The following MBD5 variants were observed in gnomAD, a reference collection of about 807,000 sequenced individuals.
MBD5 encodes methyl-CpG-binding domain protein 5.
In MBD5, 13 loss-of-function variants were observed where a neutral mutation model predicts 117.3. That is an observed-to-expected ratio of 0.11 (90% confidence interval 0.07 to 0.18). MBD5 has a LOEUF of 0.18. Ranked by LOEUF, MBD5 falls within the 10% of genes least tolerant of loss-of-function variation. The pLI, the probability that MBD5 is intolerant of heterozygous loss-of-function variation, is 1.00. For missense variants in MBD5, 1,879 were observed against 2,093.8 expected (o/e 0.90, Z 2.00); for synonymous variants, 727 against 766.4 (o/e 0.95, Z 0.85).
chr2:148,136,953 G>A (rs1697184797), intron 1 of MBD5, among the ~76,000 whole-genome samples: 2 of 152,052 alleles, frequency 1.3e-5, no homozygotes, highest in Admixed American at 1.3e-4. Context: ...GTAGAGACGT[G>A]TTTTCTCCAT....
intron 8 of MBD5, among the ~76,000 whole-genome samples, chr2:148,474,585 C>T (rs979705638): frequency 2.0e-5 from 3 of 151,876 alleles, no homozygotes; most frequent in Non-Finnish European, 4.4e-5. Flanking sequence ...AAATTTAATC[C>T]TCTGAGGGGA....
intron 4 of MBD5, among the ~76,000 whole-genome samples, chr2:148,400,228 T>A (rs558242411): frequency 1.7e-4 from 26 of 152,328 alleles, no homozygotes; most frequent in African/African-American, 4.1e-4. Flanking sequence ...TTACTTTTTT[T>A]AAATTTTTTT....
intron 1 of MBD5, among the ~76,000 whole-genome samples, chr2:148,141,980 A>G (rs952157804): frequency 6.6e-6 from 1 of 151,914 alleles, no homozygotes; most frequent in African/African-American, 2.4e-5. Context: ...TGTCTCAATA[A>G]TAATAATAAT....
intron 4 of MBD5, among the ~76,000 whole-genome samples, chr2:148,429,275 T>C (rs544295538): frequency 5.9e-5 from 9 of 152,064 alleles, no homozygotes; most frequent in Non-Finnish European, 1.2e-4. Flanking sequence ...ATTAGAGAAA[T>C]GCAGATCAAA....
intron 4 of MBD5, among the ~76,000 whole-genome samples, chr2:148,351,196 C>T (rs1377421447): frequency 1.3e-5 from 2 of 151,916 alleles, no homozygotes; most frequent in African/African-American, 4.8e-5. Context: ...GTGCACCCAT[C>T]GTCACAGTTA....
At chr2:148,487,055 G>A (rs918897347) in intron 10 of MBD5, among the ~76,000 whole-genome samples, 1 of 152,182 alleles carries the variant, frequency 6.6e-6, no homozygotes, top group Non-Finnish European at 1.5e-5. Flanking sequence ...TAGGGAAATA[G>A]TTAAGTATAT....
intron 4 of MBD5, among the ~76,000 whole-genome samples, chr2:148,363,697 A>G (rs576725362): frequency 6.6e-6 from 1 of 152,304 alleles, no homozygotes; most frequent in Admixed American, 6.5e-5. Context: ...TTCATGAAGC[A>G]TACACAAGTA....
intron 3 of MBD5, among the ~76,000 whole-genome samples, chr2:148,322,162 A>G (rs1290157926): frequency 6.6e-6 from 1 of 152,214 alleles, no homozygotes; most frequent in East Asian, 1.9e-4. Flanking sequence ...GTAAAGTGAT[A>G]TGTATTCATA....
rs1680728319 is a variant in MBD5 at position 148,469,742 on chromosome 2, G to A, written c.1799G>A (p.Ser600Asn). The A allele has an allele frequency of 6.2e-7, 1 of 1,613,830 alleles. No individual in the cohort carries two copies. The highest frequency in any genetic ancestry group is 1.7e-5 in the Admixed American group (1 of 59,980). Residue 600 changes from serine to asparagine, a missense_variant, in exon 8 of 14, where the codon AGC (serine) becomes AAC (asparagine). This residue lies in a region of MBD5 where 1,666 missense variants were observed against 1,792.2 expected (regional missense o/e 0.93). Transcript: ENST00000642680. ...AACAAACTTGCTGGTAACAACAGTA[G>A]CAGCAGTAGCAATTCTGGAGCTGTT... ...NQNKLAGNNS[S>N]SSSNSGAVAG...
Position 148,489,423 on chromosome 2 carries a change from G to C in MBD5, c.3791G>C (p.Arg1264Thr). The change falls in exon 11 of 14, where the codon AGA (arginine) becomes ACA (threonine). Residue 1264 changes from arginine (R) to threonine (T), a missense_variant. By Grantham distance (71) the Arg-to-Thr change is moderately conservative. Transcript: ENST00000642680. Reference protein sequence around the residue: ...MQEDAALLNKRISTQPGLTAL... With the variant: ...MQEDAALLNKTISTQPGLTAL... ...GAAGATGCAGCTCTCCTAAACAAAAGAATAAGCACTCAGCCTGGGCTCACA... is the reference window on the plus strand; with the variant it reads ...GAAGATGCAGCTCTCCTAAACAAAACAATAAGCACTCAGCCTGGGCTCACA... 1.2e-6 allele frequency: 2 copies of C among 1,614,050 alleles called. No homozygotes were observed. Among genetic ancestry groups the C allele is most frequent in the Non-Finnish European group, 8.5e-7 (1 of 1,180,020 alleles).
At chr2:148,494,288 G>T (rs1681625421) in intron 11 of MBD5, among the ~76,000 whole-genome samples, 1 of 152,172 alleles carries the variant, frequency 6.6e-6, no homozygotes, top group African/African-American at 2.4e-5. Context: ...TACAGCACAT[G>T]TACAAATTGG....
intron 3 of MBD5, among the ~76,000 whole-genome samples, chr2:148,240,455 G>T (rs1267058023): frequency 6.6e-6 from 1 of 151,110 alleles, no homozygotes; most frequent in Non-Finnish European, 1.5e-5. Context: ...TTGCCATGTT[G>T]CCCAGGCTGG....
chr2:148,071,906 T>C (rs547926877), intron 1 of MBD5: 1 of 152,180 alleles, frequency 6.6e-6, no homozygotes, highest in Non-Finnish European at 1.5e-5. Flanking sequence ...GTTTAGTTTT[T>C]AAAAAATGTT....
intron 1 of MBD5, among the ~76,000 whole-genome samples, chr2:148,165,749 A>C (rs1440489519): frequency 6.6e-6 from 1 of 152,158 alleles, no homozygotes; most frequent in African/African-American, 2.4e-5. Flanking sequence ...GTGCTATAAA[A>C]TCATGAGAAA....
chr2:148,351,988 G>C (rs1028278982), intron 4 of MBD5, among the ~76,000 whole-genome samples: 3 of 151,970 alleles, frequency 2.0e-5, no homozygotes, highest in African/African-American at 7.2e-5. Flanking sequence ...GTTGTCGTTG[G>C]ATACTGGCAG....
chr2:148,380,638 C>T (rs1251677989), intron 4 of MBD5, among the ~76,000 whole-genome samples: 5 of 152,126 alleles, frequency 3.3e-5, no homozygotes, highest in East Asian at 3.9e-4. Flanking sequence ...TCTCCCAGCA[C>T]GCAGCTTGAG....
At position 148,513,043 on chromosome 2, in the gene MBD5, T is replaced by A; in HGVS notation, c.*102T>A. 4 of 1,161,924 alleles carry A rather than the reference T, an allele frequency of 3.4e-6. No homozygotes were observed. In the South Asian group the frequency reaches 5.0e-5, roughly 14 times the overall value. The allele number at this position is 1,161,924 out of a possible 1,614,324, so 72.0% of individuals were successfully genotyped here. On this transcript the variant is annotated 3_prime_UTR_variant, in exon 14 of 14. Coordinates refer to ENST00000642680, the MANE Select transcript of MBD5 (RefSeq NM_001378120.1). ...GCCACAGTTATATCAATATTTAGACTATGGCAGATAGCTACCACCACCACA... is the reference window on the plus strand; with the variant it reads ...GCCACAGTTATATCAATATTTAGACAATGGCAGATAGCTACCACCACCACA...
chr2:148,170,606 T>C (rs1036341035), intron 1 of MBD5, among the ~76,000 whole-genome samples: 4 of 152,226 alleles, frequency 2.6e-5, no homozygotes, highest in Admixed American at 6.5e-5. Context: ...AAAAGTCACC[T>C]GTCAGATCAG....
intron 10 of MBD5, among the ~76,000 whole-genome samples, chr2:148,487,365 G>C (rs573471110): frequency 6.6e-6 from 1 of 152,248 alleles, no homozygotes; most frequent in Non-Finnish European, 1.5e-5. Flanking sequence ...AAGGAAGGGA[G>C]GTAAGAATGA....
Sources: gnomAD v4.1 joint callset for allele counts (sites outside exome capture counted in the v4.1 genomes callset) on GRCh38, gnomAD v4.1.1 for gene constraint, gnomAD v4.1.1 regional missense constraint, MANE v1.5 for transcripts, NCBI Gene and HGNC (gene_info 2026-07-23, HGNC 2026-07-21) for gene names.